AOPEP: variants seen among roughly 807,000 people sequenced by gnomAD.
The protein encoded by AOPEP is aminopeptidase O.
Under a neutral mutation model 98.1 loss-of-function variants are expected in AOPEP, and 77 were observed. The ratio of observed to expected loss-of-function variants is 0.78; its 90% CI spans 0.65 to 0.95. The LOEUF is 0.95. AOPEP is among the 40% of genes least tolerant of loss of function. AOPEP has a pLI of 0.00. For synonymous variants in AOPEP, 346 were observed against 365.3 expected (o/e 0.95, Z 0.60); for missense variants, 1,024 against 1,024.7 (o/e 1.00, Z 0.01).
chr9:94,764,933 G>A (rs1261352866), intron 2 of AOPEP, among the ~76,000 whole-genome samples: 9 of 152,100 alleles, frequency 5.9e-5, no homozygotes, highest in Non-Finnish European at 1.2e-4. Context: ...GAGAGCAGTG[G>A]CATGAACTTG....
chr9:94,900,109 A>AG lies in AOPEP; in HGVS notation c.1365-23871dup, dbSNP rs563764745. Among the ~76,000 whole-genome samples the AG allele has an allele frequency of 3.3e-5, 5 of 152,312 alleles. No individual in the cohort carries two copies. In the East Asian group the frequency reaches 9.7e-4, roughly 29 times the overall value. ...AGTTATAATATGAAGAGCACTGGGC[A>AG]GGGGGGTCAGAGGATGAAGGCCAGA... On this transcript the variant is annotated intron_variant, in intron 5 of 16. Transcript: ENST00000375315.
chr9:94,937,234 G>A (rs79338004), intron 7 of AOPEP, among the ~76,000 whole-genome samples: 2,974 of 152,306 alleles, frequency 0.02, 107 homozygotes, highest in African/African-American at 0.068. Context: ...ATACAAAGGC[G>A]TAATTGTGAA....
chr9:94,822,302 A>C (rs1249432958), intron 5 of AOPEP, among the ~76,000 whole-genome samples: 1 of 152,240 alleles, frequency 6.6e-6, no homozygotes, highest in Admixed American at 6.5e-5. Flanking sequence ...TTTCAAATGA[A>C]TGCCTGATCA....
intron 13 of AOPEP, chr9:95,056,147 A>G (rs2066797952): frequency 2.6e-5 from 4 of 152,254 alleles, no homozygotes; most frequent in Admixed American, 2.6e-4. Context: ...TCAGGGAGGA[A>G]GCATGCTTCA....
chr9:95,099,820 C>G, the AOPEP span: 1 of 232,484 alleles, frequency 4.3e-6, no homozygotes, highest in Non-Finnish European at 8.5e-6. Context: ...TCAGGGCTTC[C>G]AGGCTAGGAA....
chr9:95,110,977 ATG>A, the AOPEP span: 1 of 1,414,798 alleles, frequency 7.1e-7, no homozygotes, highest in Non-Finnish European at 9.2e-7. Context: ...TTAGTAAGAG[ATG>A]TAAATAAAGC....
chr9:95,130,133 T>C, the AOPEP span, among the ~76,000 whole-genome samples: 1 of 152,234 alleles, frequency 6.6e-6, no homozygotes, highest in Non-Finnish European at 1.5e-5. Flanking sequence ...CACAGGCTCT[T>C]GTGCCCGGTC....
At chr9:95,123,280 G>C in the AOPEP span, 1 of 283,944 alleles carries the variant, frequency 3.5e-6, no homozygotes, top group Non-Finnish European at 6.8e-6. Context: ...CTCCAGCCTT[G>C]GTGGCAGAGT....
intron 11 of AOPEP, chr9:95,004,385 C>T (rs1589230733): frequency 4.8e-6 from 2 of 420,018 alleles, no homozygotes; most frequent in Non-Finnish European, 9.7e-6. Flanking sequence ...CTGAGGGCTG[C>T]GGGTCCACAC....
At chr9:95,030,946 T>C (rs1412059852) in intron 13 of AOPEP, among the ~76,000 whole-genome samples, 2 of 152,216 alleles carry the variant, frequency 1.3e-5, no homozygotes, top group East Asian at 3.8e-4. Flanking sequence ...ATGCAAATAG[T>C]CCTCACTTCA....
At chr9:94,944,190 GT>G (rs2057367344) in intron 7 of AOPEP, among the ~76,000 whole-genome samples, 1 of 152,154 alleles carries the variant, frequency 6.6e-6, no homozygotes, top group East Asian at 1.9e-4. Flanking sequence ...AAACAGCCTG[GT>G]GGTTCCTCAA....
chr9:94,779,115 A>C (rs534373911), intron 3 of AOPEP, among the ~76,000 whole-genome samples: 29 of 152,250 alleles, frequency 1.9e-4, no homozygotes, highest in Admixed American at 1.4e-3. Context: ...TGGCAGATAC[A>C]CGCAGCTTCT....
chr9:95,078,708 G>A lies in AOPEP; in HGVS notation c.2233-1986G>A, dbSNP rs146517009. ...GGCCCTTCAGCCTTGGGGAGCTGGT[G>A]CCCATCTTCACAAAGCTCGCAGCAG... On this transcript the variant is annotated intron_variant, in intron 14 of 16. Coordinates refer to ENST00000375315, the MANE Select transcript of AOPEP (RefSeq NM_001193329.3). Among the ~76,000 whole-genome samples the A allele has an allele frequency of 3.4e-3, 518 of 152,342 alleles. 3 individuals are homozygous for A. Among genetic ancestry groups the A allele is most frequent in the African/African-American group, 0.012 (498 of 41,572 alleles).
the AOPEP span, among the ~76,000 whole-genome samples, chr9:95,102,473 T>TA: frequency 6.6e-6 from 1 of 152,222 alleles, no homozygotes; most frequent in Non-Finnish European, 1.5e-5. Flanking sequence ...GTGAGAATCT[T>TA]ACAATTTAGC....
intron 5 of AOPEP, among the ~76,000 whole-genome samples, chr9:94,828,839 A>G (rs1855263784): frequency 6.7e-6 from 1 of 148,818 alleles, no homozygotes; most frequent in Non-Finnish European, 1.5e-5. Context: ...TATTTCTTAC[A>G]TAATTTCTCA....
chr9:94,806,272 C>T lies in AOPEP; in HGVS notation c.1364+5270C>T, dbSNP rs554885877. On this transcript the variant is annotated intron_variant, in intron 5 of 16. Transcript: ENST00000375315. ...GGGTTTTGTTTCTTGTTATTGTTGT[C>T]GTTTCTTTCTCAGATTTTAATAAAT... Among the ~76,000 whole-genome samples, 9 of 152,178 alleles carry T rather than the reference C, an allele frequency of 5.9e-5. No individual in the cohort carries two copies. The East Asian group carries it at 9.7e-4, about 16-fold the overall frequency.
intron 1 of AOPEP, among the ~76,000 whole-genome samples, chr9:94,742,854 A>G (rs1833475162): frequency 6.6e-6 from 1 of 151,910 alleles, no homozygotes; most frequent in Non-Finnish European, 1.5e-5. Context: ...TTTTTATTAT[A>G]TTTTATGAAA....
chr9:95,097,000 C>T, the AOPEP span, among the ~76,000 whole-genome samples: 1 of 152,222 alleles, frequency 6.6e-6, no homozygotes, highest in Non-Finnish European at 1.5e-5. Flanking sequence ...AGTTTTGTCA[C>T]CACTGGTGGA....
intron 13 of AOPEP, among the ~76,000 whole-genome samples, chr9:95,053,704 ATTTTTG>A (rs1011080916): frequency 3.0e-5 from 2 of 66,308 alleles, no homozygotes; most frequent in African/African-American, 9.1e-5. Flanking sequence ...GCATTAATTC[ATTTTTG>A]TTGTTGTTGT....
Sources: allele counts gnomAD v4.1 joint callset (sites outside exome capture counted in the v4.1 genomes callset), GRCh38; gene constraint gnomAD v4.1.1; transcripts MANE v1.5; gene names NCBI Gene and HGNC (gene_info 2026-07-23, HGNC 2026-07-21).